SLC12A1: variants seen among roughly 807,000 people sequenced by gnomAD.
SLC12A1 encodes the protein solute carrier family 12 member 1.
In SLC12A1, 89 loss-of-function variants were observed where a neutral mutation model predicts 130.4. The observed-to-expected ratio is 0.68, with a 90% CI of 0.58 to 0.81. The LOEUF is 0.81. Among genes scored for constraint, SLC12A1 ranks in the 40% least tolerant of loss-of-function variants. The pLI is 0.00. For synonymous variants in SLC12A1, 499 were observed against 460.0 expected (o/e 1.08, Z -1.09); for missense variants, 1,310 against 1,336.4 (o/e 0.98, Z 0.31).
intron 6 of SLC12A1, 78 bp downstream of exon 6, chr15:48,229,406 T>C (rs1239628747): frequency 2.9e-6 from 4 of 1,386,520 alleles, no homozygotes; most frequent in African/African-American, 1.4e-5. Context: ...CTAAGGGATA[T>C]CATTACAGCT....
At chr15:48,247,669 T>A (rs2041598686) in intron 13 of SLC12A1, among the ~76,000 whole-genome samples, 1 of 152,230 alleles carries the variant, frequency 6.6e-6, no homozygotes, top group African/African-American at 2.4e-5. Context: ...ATTCTTTGAA[T>A]CTTGAGTGTT....
chr15:48,288,472 C>A lies in SLC12A1; in HGVS notation c.2829C>A (p.Ile943=). 6.4e-7 allele frequency: 1 copy of A among 1,554,124 alleles called. No individual in the cohort carries two copies. The highest frequency in any genetic ancestry group is 1.2e-5 in the South Asian group (1 of 84,370). ...RKKWKDCKLR[I]YVGGKINRIE... is the part of the protein sequence containing the mutation. ...AATGGAAAGACTGTAAATTAAGAATCTATGTGGGAGGGAAGATCAACCGCA... is the reference window on the plus strand; with the variant it reads ...AATGGAAAGACTGTAAATTAAGAATATATGTGGGAGGGAAGATCAACCGCA... Residue 943 remains isoleucine, a synonymous_variant, in exon 23 of 27, where the codon ATC becomes ATA. Coordinates refer to ENST00000380993, the MANE Select transcript of SLC12A1 (RefSeq NM_000338.3).
chr15:48,247,703 G>A (rs960366683), intron 13 of SLC12A1, among the ~76,000 whole-genome samples: 3 of 152,108 alleles, frequency 2.0e-5, no homozygotes, highest in African/African-American at 7.2e-5. Context: ...ACCACATGAC[G>A]CTGAATCCTT....
At chr15:48,245,736 G>A (rs1291133530) in intron 11 of SLC12A1, among the ~76,000 whole-genome samples, 2 of 152,166 alleles carry the variant, frequency 1.3e-5, no homozygotes, top group Non-Finnish European at 2.9e-5. Context: ...ACATACAGAT[G>A]CCTGGATCTT....
intron 2 of SLC12A1, among the ~76,000 whole-genome samples, chr15:48,219,626 AAAAG>A (rs1413691595): frequency 3.9e-5 from 6 of 152,204 alleles, no homozygotes; most frequent in Middle Eastern, 3.4e-3. Context: ...GAAGGAAAGA[AAAAG>A]AAAGAAAGAA....
chr15:48,281,848 G>A (rs182736047), intron 20 of SLC12A1, among the ~76,000 whole-genome samples: 220 of 152,270 alleles, frequency 1.4e-3, no homozygotes, highest in African/African-American at 4.8e-3. Context: ...TACTCTCTTG[G>A]CTGGCTCCCC....
intron 2 of SLC12A1, among the ~76,000 whole-genome samples, chr15:48,211,506 T>C (rs778254537): frequency 6.6e-5 from 10 of 152,180 alleles, no homozygotes; most frequent in African/African-American, 2.4e-4. Flanking sequence ...CATTATGTGA[T>C]TATACTCAGA....
At chr15:48,285,043 A>C (rs2042042759) in intron 20 of SLC12A1, 63 bp from the exon 21 acceptor site, 2 of 1,268,012 alleles carry the variant, frequency 1.6e-6, no homozygotes, top group Non-Finnish European at 2.2e-6. Context: ...AAAAGTTTAT[A>C]AGATTGTTTC....
chr15:48,253,782 T>A (rs778716147), intron 15 of SLC12A1, among the ~76,000 whole-genome samples: 4 of 152,234 alleles, frequency 2.6e-5, no homozygotes, highest in Non-Finnish European at 4.4e-5. Context: ...CTACAAGCCA[T>A]GAATGAGAGT....
At chr15:48,221,217 C>T (rs963532545) in intron 4 of SLC12A1, 5 of 666,802 alleles carry the variant, frequency 7.5e-6, no homozygotes, top group Middle Eastern at 3.6e-4. Context: ...CAGGTGAATG[C>T]TCAAGGAGAT....
chr15:48,239,085 C>G (rs1268339598), intron 9 of SLC12A1, among the ~76,000 whole-genome samples: 1 of 152,162 alleles, frequency 6.6e-6, no homozygotes, highest in African/African-American at 2.4e-5. Flanking sequence ...TGGATAGAAA[C>G]TACATTTCAA....
intron 23 of SLC12A1, among the ~76,000 whole-genome samples, chr15:48,289,412 T>TA (rs2141116423): frequency 1.5e-5 from 2 of 133,748 alleles, no homozygotes; most frequent in East Asian, 4.5e-4. Context: ...TATATATATA[T>TA]ATATATATAT....
intron 25 of SLC12A1, 81 bp downstream of exon 25, chr15:48,299,356 C>G (rs1022686982): frequency 9.0e-5 from 109 of 1,209,348 alleles, no homozygotes; most frequent in Non-Finnish European, 1.1e-4. Flanking sequence ...GACAAAGAAG[C>G]AATATATTTA....
chr15:48,261,873 T>A (rs1033550830), intron 17 of SLC12A1, among the ~76,000 whole-genome samples: 1 of 152,172 alleles, frequency 6.6e-6, no homozygotes, highest in Non-Finnish European at 1.5e-5. Flanking sequence ...CATAATTTCA[T>A]CTCTCTGTGC....
At chr15:48,252,387 C>T (rs1253642019) in intron 15 of SLC12A1, among the ~76,000 whole-genome samples, 1 of 152,182 alleles carries the variant, frequency 6.6e-6, no homozygotes, top group East Asian at 1.9e-4. Context: ...ACCATATAAC[C>T]AGAATGTGTA....
intron 8 of SLC12A1, among the ~76,000 whole-genome samples, chr15:48,234,605 G>A (rs543134370): frequency 1.3e-5 from 2 of 152,174 alleles, no homozygotes; most frequent in African/African-American, 4.8e-5. Context: ...TTAGCCAGGT[G>A]TGGTGGCGGG....
intron 3 of SLC12A1, 42 bp from the exon 4 acceptor site, chr15:48,220,879 A>G (rs371112288): frequency 1.1e-5 from 17 of 1,612,098 alleles, no homozygotes; most frequent in African/African-American, 1.3e-5. Context: ...TTGTCCCACT[A>G]TCGTTTGTCC....
chr15:48,207,970 C>A lies in SLC12A1; in HGVS notation c.251C>A (p.Ala84Asp). Residue 84 changes from alanine to aspartate, a missense_variant, in exon 2 of 27, where the codon GCC becomes GAC. Physicochemically the swap from Ala to Asp is moderately radical, Grantham distance 126 (BLOSUM62 -2). Transcript: ENST00000380993. The part of the protein sequence containing the change: ...LQSGETAKTD[A>D]SFHAYDSHTN... ...AGTGGAGAAACTGCTAAAACAGATG[C>A]CAGTTTTCACGCTTATGATTCTCAC... 1.2e-6 allele frequency: 2 copies of A among 1,613,942 alleles called. No individual in the cohort carries two copies. The highest frequency in any genetic ancestry group is 1.7e-6 in the Non-Finnish European group (2 of 1,179,880).
intron 25 of SLC12A1, 84 bp from the exon 26 acceptor site, chr15:48,301,231 C>A: frequency 1.1e-6 from 1 of 921,904 alleles, no homozygotes; most frequent in South Asian, 1.4e-5. Context: ...ATGAGATTTT[C>A]TGCTTGTTCA....
Sources: gnomAD v4.1 joint callset for allele counts (sites outside exome capture counted in the v4.1 genomes callset) on GRCh38, gnomAD v4.1.1 for gene constraint, MANE v1.5 for transcripts, NCBI Gene and HGNC (gene_info 2026-07-23, HGNC 2026-07-21) for gene names.